The following BFSP2 variants were observed in gnomAD, a reference collection of about 807,000 sequenced individuals.
BFSP2 encodes the protein phakinin.
In BFSP2, 38 loss-of-function variants were observed where a neutral mutation model predicts 44.9. The observed-to-expected ratio is 0.85, with a 90% CI of 0.65 to 1.11. The LOEUF (loss-of-function observed/expected upper bound fraction) is 1.11. Among genes scored for constraint, BFSP2 ranks in the 50% least tolerant of loss-of-function variants. The pLI, the probability that BFSP2 is intolerant of heterozygous loss-of-function variation, is 0.00. For missense variants in BFSP2, 525 were observed against 533.0 expected (o/e 0.99, Z 0.15); for synonymous variants, 197 against 209.9 (o/e 0.94, Z 0.53).
At chr3:133,411,223 A>G (rs998880059) in intron 1 of BFSP2, among the ~76,000 whole-genome samples, 6 of 151,090 alleles carry the variant, frequency 4.0e-5, no homozygotes, top group Non-Finnish European at 5.9e-5. Context: ...TTTGGAGCCC[A>G]CTGAGGAACC....
chr3:133,401,921 G>A (rs1284670649), intron 1 of BFSP2, among the ~76,000 whole-genome samples: 1 of 152,104 alleles, frequency 6.6e-6, no homozygotes, highest in Non-Finnish European at 1.5e-5. Context: ...ACAGCACAGA[G>A]TGCATGATGA....
In BFSP2 at chr3:133,400,071, G is replaced by A; in HGVS notation, c.-13G>A. 6.2e-7 allele frequency: 1 copy of A among 1,614,162 alleles called. No homozygotes were observed. The highest frequency in any genetic ancestry group is 8.5e-7 in the Non-Finnish European group (1 of 1,180,044). On this transcript the variant is annotated 5_prime_UTR_variant, in exon 1 of 7. Coordinates refer to ENST00000302334, the MANE Select transcript of BFSP2 (RefSeq NM_003571.4). This position sits in a 1 kb window ranked among gnomAD's most constrained non-coding sequence, Gnocchi z 4.0. Reference sequence around the variant, plus strand: ...CTGTAAACCCACTGGGCACCACAGAGGCAGAAGGGGTGATGAGTGAGAGGC... The same window carrying A: ...CTGTAAACCCACTGGGCACCACAGAAGCAGAAGGGGTGATGAGTGAGAGGC...
chr3:133,415,676 TCCCCTCTACTCA>T (rs201538353), intron 1 of BFSP2, among the ~76,000 whole-genome samples: 6,729 of 101,418 alleles, frequency 0.066, 402 homozygotes, highest in Non-Finnish European at 0.086. Context: ...ACCTGCCATT[TCCCCTCTACTCA>T]CCCCTCTACT....
intron 1 of BFSP2, among the ~76,000 whole-genome samples, chr3:133,428,890 C>T (rs543737841): frequency 6.6e-6 from 1 of 152,342 alleles, no homozygotes; most frequent in Admixed American, 6.5e-5. Context: ...GATGTATCAG[C>T]CACTGTGCTA....
intron 1 of BFSP2, among the ~76,000 whole-genome samples, chr3:133,404,467 G>T (rs959274289): frequency 1.3e-5 from 2 of 152,090 alleles, no homozygotes; most frequent in African/African-American, 4.8e-5. Context: ...ATTCTTGGGG[G>T]TTATCACCCC....
At chr3:133,473,701 A>G (rs909498743) in intron 6 of BFSP2, among the ~76,000 whole-genome samples, 106 of 151,576 alleles carry the variant, frequency 7.0e-4, no homozygotes, top group African/African-American at 2.3e-3. Context: ...TTAACAAAGC[A>G]CATCTTGCAC....
At chr3:133,419,146 T>C (rs536660887) in intron 1 of BFSP2, among the ~76,000 whole-genome samples, 1 of 152,158 alleles carries the variant, frequency 6.6e-6, no homozygotes, top group African/African-American at 2.4e-5. Context: ...GTGTCCAAAC[T>C]TCCTCTTCTC....
intron 1 of BFSP2, among the ~76,000 whole-genome samples, chr3:133,432,875 C>T (rs1201256801): frequency 6.6e-6 from 1 of 152,208 alleles, no homozygotes; most frequent in Non-Finnish European, 1.5e-5. Flanking sequence ...CATCCTGCAG[C>T]CTTTCTGTCC....
chr3:133,427,765 G>A (rs552835975), intron 1 of BFSP2, among the ~76,000 whole-genome samples: 22 of 152,266 alleles, frequency 1.4e-4, no homozygotes, highest in South Asian at 6.2e-4. Context: ...TGTTCCCTTC[G>A]TTACATTAGC....
At chr3:133,439,928 C>CGG (rs2073827723) in intron 1 of BFSP2, among the ~76,000 whole-genome samples, 1 of 150,616 alleles carries the variant, frequency 6.6e-6, no homozygotes, top group African/African-American at 2.4e-5. Context: ...CAGAGACAGA[C>CGG]AGAGAGAGAG....
At chr3:133,431,809 C>G (rs1206156376) in intron 1 of BFSP2, among the ~76,000 whole-genome samples, 1 of 152,192 alleles carries the variant, frequency 6.6e-6, no homozygotes, top group Non-Finnish European at 1.5e-5. Context: ...CTCCCCAACT[C>G]TGGTGCCAAC....
At chr3:133,411,238 C>G (rs925293027) in intron 1 of BFSP2, among the ~76,000 whole-genome samples, 6 of 148,062 alleles carry the variant, frequency 4.1e-5, no homozygotes, top group African/African-American at 1.5e-4. Context: ...GGAACCAACT[C>G]ATTTTTAAAA....
intron 4 of BFSP2, among the ~76,000 whole-genome samples, chr3:133,452,071 C>G (rs2073970760): frequency 6.6e-6 from 1 of 152,154 alleles, no homozygotes; most frequent in Admixed American, 6.5e-5. Flanking sequence ...AATCGCCATC[C>G]CAGACCAACC....
At chr3:133,447,285 C>T in intron 1 of BFSP2, 32 bp from the exon 2 acceptor site, 3 of 1,612,198 alleles carry the variant, frequency 1.9e-6, no homozygotes, top group South Asian at 1.1e-5. Flanking sequence ...TCCCAGTGAC[C>T]TTGTCTCCTT....
At chr3:133,446,329 G>A (rs368782669) in intron 1 of BFSP2, among the ~76,000 whole-genome samples, 6 of 152,026 alleles carry the variant, frequency 3.9e-5, no homozygotes, top group Non-Finnish European at 7.4e-5. Flanking sequence ...GCTGAGGCAC[G>A]AGAATATCTT....
At chr3:133,419,879 G>A (rs1225055456) in intron 1 of BFSP2, among the ~76,000 whole-genome samples, 1 of 152,256 alleles carries the variant, frequency 6.6e-6, no homozygotes, top group African/African-American at 2.4e-5. Flanking sequence ...AGAGTTCAGA[G>A]ACGCCCCATG....
At chr3:133,433,487 C>T (rs2073748584) in intron 1 of BFSP2, among the ~76,000 whole-genome samples, 1 of 152,108 alleles carries the variant, frequency 6.6e-6, no homozygotes, top group South Asian at 2.1e-4. Context: ...CGAGGATTTG[C>T]CCCCACCCAG....
intron 1 of BFSP2, among the ~76,000 whole-genome samples, chr3:133,431,890 C>T (rs977884903): frequency 6.6e-6 from 1 of 152,136 alleles, no homozygotes; most frequent in African/African-American, 2.4e-5. Context: ...TAGGCCGAGA[C>T]ACTTTAAATT....
rs750176371 is a variant in BFSP2 at position 133,466,901 on chromosome 3, A to G, written c.965A>G (p.His322Arg). The G allele has an allele frequency of 4.3e-6, 7 of 1,613,930 alleles. No homozygotes were observed. The African/African-American group carries it at 9.3e-5, about 22-fold the overall frequency. Residue 322 changes from histidine (H) to arginine (R), a missense_variant, in exon 5 of 7, where the codon CAC becomes CGC. Physicochemically the swap from His to Arg is conservative, Grantham distance 29. Transcript: ENST00000302334. ...GCAGCTGCCCTCAGGGTGGAGTTACACAACACTTCGTGCCAAGTCCAGAGC... is the reference window on the plus strand; with the variant it reads ...GCAGCTGCCCTCAGGGTGGAGTTACGCAACACTTCGTGCCAAGTCCAGAGC... ...KLAAALRVEL[H>R]NTSCQVQSLQ...
Sources: gnomAD v4.1 joint callset for allele counts (sites outside exome capture counted in the v4.1 genomes callset) on GRCh38, gnomAD v4.1.1 for gene constraint, Gnocchi (gnomAD v3.1) non-coding constraint, MANE v1.5 for transcripts, NCBI Gene and HGNC (gene_info 2026-07-23, HGNC 2026-07-21) for gene names.